Variants in OSBPL8 observed in about 807,000 individuals in gnomAD.
OSBPL8 encodes oxysterol-binding protein-related protein 8.
In OSBPL8, 59 loss-of-function variants were observed where a neutral mutation model predicts 125.5. That is an observed-to-expected ratio of 0.47 (90% CI 0.38 to 0.58). The LOEUF (loss-of-function observed/expected upper bound fraction) is 0.58, where lower values mean the gene tolerates loss of function less well. Ranked by LOEUF, OSBPL8 falls within the 20% of genes least tolerant of loss-of-function variation. The probability of loss-of-function intolerance (pLI) is 0.00; values close to 1 mark genes in which losing one functional copy is unlikely to be tolerated. For synonymous variants in OSBPL8, 330 were observed against 338.9 expected (o/e 0.97, Z 0.29); for missense variants, 758 against 1,047.8 (o/e 0.72, Z 3.82).
chr12:76,412,161 C>G (rs895379232), intron 4 of OSBPL8, among the ~76,000 whole-genome samples: 2 of 151,948 alleles, frequency 1.3e-5, no homozygotes, highest in African/African-American at 2.4e-5. Context: ...ATAGTATGGT[C>G]ACACTGTGGA....
intron 1 of OSBPL8, among the ~76,000 whole-genome samples, chr12:76,532,330 T>C (rs1950365423): frequency 6.6e-6 from 1 of 152,148 alleles, no homozygotes; most frequent in African/African-American, 2.4e-5. Context: ...TAAGCAAAAC[T>C]ATTTGATGTT....
intron 5 of OSBPL8, among the ~76,000 whole-genome samples, chr12:76,408,419 A>G (rs144913558): frequency 0.072 from 10,266 of 143,354 alleles, 483 homozygotes; most frequent in Middle Eastern, 0.17. Flanking sequence ...CCGAGATCGC[A>G]CCACTGTACT....
chr12:76,364,675 C>A (rs1952343469), intron 21 of OSBPL8, among the ~76,000 whole-genome samples: 1 of 152,048 alleles, frequency 6.6e-6, no homozygotes, highest in Admixed American at 6.6e-5. Flanking sequence ...AATTAATTGA[C>A]CATGGATGTC....
chr12:76,443,609 A>G (rs994165154), intron 4 of OSBPL8, among the ~76,000 whole-genome samples: 1 of 152,084 alleles, frequency 6.6e-6, no homozygotes, highest in Non-Finnish European at 1.5e-5. Flanking sequence ...TCCAAGTTCA[A>G]GTGATTCTCC....
intron 2 of OSBPL8, among the ~76,000 whole-genome samples, chr12:76,477,146 A>G (rs1876906633): frequency 6.6e-6 from 1 of 152,090 alleles, no homozygotes; most frequent in Admixed American, 6.6e-5. Context: ...GCAGCTGTCA[A>G]TTATTCTTTC....
At chr12:76,453,976 T>A (rs756902062) in intron 3 of OSBPL8, among the ~76,000 whole-genome samples, 1 of 152,056 alleles carries the variant, frequency 6.6e-6, no homozygotes, top group Non-Finnish European at 1.5e-5. Context: ...ATGAGGCAAA[T>A]ACAAATCAAA....
At chr12:76,481,266 G>C (rs979957339) in intron 2 of OSBPL8, among the ~76,000 whole-genome samples, 1 of 152,148 alleles carries the variant, frequency 6.6e-6, no homozygotes. Context: ...AATAGGATAA[G>C]AGCACAATGA....
intron 1 of OSBPL8, chr12:76,537,022 C>T (rs1730668072): frequency 6.6e-6 from 1 of 151,858 alleles, no homozygotes. Context: ...GCTTCAGTCT[C>T]TTGGAGGTTA....
intron 22 of OSBPL8, 62 bp downstream of exon 22, chr12:76,358,644 A>ATT (rs1421639916): frequency 2.9e-6 from 4 of 1,362,526 alleles, no homozygotes; most frequent in Non-Finnish European, 4.2e-6. Flanking sequence ...AACCATATTC[A>ATT]TATCAAATTG....
chr12:76,472,567 G>A (rs1383775538), intron 2 of OSBPL8, among the ~76,000 whole-genome samples: 1 of 152,180 alleles, frequency 6.6e-6, no homozygotes, highest in Non-Finnish European at 1.5e-5. Flanking sequence ...AGACAAAGGG[G>A]CAGGGTAAGG....
At chr12:76,369,077 G>C in intron 21 of OSBPL8, 137 bp downstream of exon 21, 1 of 1,143,886 alleles carries the variant, frequency 8.7e-7, no homozygotes, top group Non-Finnish European at 1.2e-6. Flanking sequence ...TGTTTCTTTG[G>C]GGTAAGAAGA....
chr12:76,435,819 G>A (rs1460225471), intron 4 of OSBPL8, among the ~76,000 whole-genome samples: 1 of 152,064 alleles, frequency 6.6e-6, no homozygotes, highest in Admixed American at 6.6e-5. Flanking sequence ...TTACATATAA[G>A]GGCAGTTTGC....
intron 1 of OSBPL8, among the ~76,000 whole-genome samples, chr12:76,550,502 C>A (rs1225998350): frequency 6.6e-6 from 1 of 152,166 alleles, no homozygotes; most frequent in Admixed American, 6.5e-5. Flanking sequence ...GGTGTCCAAT[C>A]ATTTGGCTTC....
intron 14 of OSBPL8, 136 bp from the exon 15 acceptor site, chr12:76,384,486 T>C (rs1953212147): frequency 2.2e-6 from 1 of 453,488 alleles, no homozygotes; most frequent in Admixed American, 4.0e-5. Flanking sequence ...ATTTAATAAG[T>C]AGTAAAAATT....
intron 1 of OSBPL8, among the ~76,000 whole-genome samples, chr12:76,514,055 G>A (rs1364170684): frequency 6.6e-6 from 1 of 151,964 alleles, no homozygotes; most frequent in Non-Finnish European, 1.5e-5. Flanking sequence ...AGCTGGTAGT[G>A]GTCTTTCCTT....
intron 2 of OSBPL8, among the ~76,000 whole-genome samples, chr12:76,468,839 T>A (rs1875770997): frequency 1.3e-5 from 2 of 152,244 alleles, no homozygotes; most frequent in African/African-American, 2.4e-5. Flanking sequence ...AAATAGTGTG[T>A]ATCTGTAATG....
At chr12:76,453,648 TA>T (rs1265488699) in intron 3 of OSBPL8, among the ~76,000 whole-genome samples, 1 of 152,092 alleles carries the variant, frequency 6.6e-6, no homozygotes, top group Non-Finnish European at 1.5e-5. Context: ...AATATCTTCA[TA>T]AACTTGGGAC....
intron 1 of OSBPL8, among the ~76,000 whole-genome samples, chr12:76,505,906 G>C (rs185064935): frequency 1.3e-5 from 2 of 152,304 alleles, no homozygotes; most frequent in African/African-American, 4.8e-5. Flanking sequence ...ACTGCTGAAA[G>C]GAAAGCTGAG....
intron 1 of OSBPL8, among the ~76,000 whole-genome samples, chr12:76,521,003 A>C (rs980206039): frequency 3.9e-5 from 6 of 152,214 alleles, no homozygotes; most frequent in African/African-American, 1.4e-4. Context: ...TGCTCAAAAG[A>C]ATAATGTATC....
Sources: allele counts gnomAD v4.1 joint callset (sites outside exome capture counted in the v4.1 genomes callset), GRCh38; gene constraint gnomAD v4.1.1; transcripts MANE v1.5; gene names NCBI Gene and HGNC (gene_info 2026-07-23, HGNC 2026-07-21).